The following CNTN5 variants were observed in gnomAD, a reference collection of about 807,000 sequenced individuals.
The protein encoded by CNTN5 is contactin-5.
A neutral mutation model predicts 129.1 loss-of-function variants in CNTN5; 77 were observed. The observed-to-expected ratio is 0.60, with a 90% CI of 0.50 to 0.72. The LOEUF (loss-of-function observed/expected upper bound fraction) is 0.72. CNTN5 is among the 30% of genes least tolerant of loss of function. CNTN5 has a pLI of 0.00. For synonymous variants in CNTN5, 509 were observed against 465.6 expected, an observed-to-expected ratio of 1.09 and a Z score of -1.20; for missense variants, 1,478 against 1,328.8, an observed-to-expected ratio of 1.11 and a Z score of -1.75.
chr11:99,906,040 G>C (rs1039638918), intron 6 of CNTN5, among the ~76,000 whole-genome samples: 5 of 152,162 alleles, frequency 3.3e-5, no homozygotes, highest in African/African-American at 9.7e-5. Flanking sequence ...TTTGGGCTGA[G>C]ACGATAGGGT....
intron 13 of CNTN5, among the ~76,000 whole-genome samples, chr11:100,112,645 G>T (rs577076011): frequency 1.9e-4 from 29 of 151,904 alleles, no homozygotes; most frequent in Non-Finnish European, 3.5e-4. Flanking sequence ...TCATAACTAG[G>T]GTAATAAAAA....
chr11:100,134,766 A>C (rs933875365), intron 13 of CNTN5, among the ~76,000 whole-genome samples: 10 of 152,170 alleles, frequency 6.6e-5, no homozygotes, highest in African/African-American at 2.4e-4. Flanking sequence ...CGGCAGAAAT[A>C]AACATTTTCC....
At chr11:99,972,659 G>C (rs1370653542) in intron 8 of CNTN5, among the ~76,000 whole-genome samples, 3 of 152,118 alleles carry the variant, frequency 2.0e-5, no homozygotes, top group African/African-American at 7.2e-5. Flanking sequence ...TTTCCGAAGA[G>C]AATGAAATCT....
chr11:99,907,742 CT>C (rs1249424403), intron 6 of CNTN5, among the ~76,000 whole-genome samples: 1 of 151,818 alleles, frequency 6.6e-6, no homozygotes, highest in Non-Finnish European at 1.5e-5. Flanking sequence ...ATTTCAGCAA[CT>C]TTTTTCTATG....
At chr11:99,767,160 G>A (rs1381345155) in intron 3 of CNTN5, among the ~76,000 whole-genome samples, 1 of 151,904 alleles carries the variant, frequency 6.6e-6, no homozygotes, top group Admixed American at 6.6e-5. Context: ...TCATGTATCT[G>A]TTTATTTATT....
At chr11:99,070,342 G>C (rs1239744621) in intron 1 of CNTN5, among the ~76,000 whole-genome samples, 1 of 151,974 alleles carries the variant, frequency 6.6e-6, no homozygotes, top group Non-Finnish European at 1.5e-5. Context: ...TTAAAAATTG[G>C]TATCTGTGTT....
intron 13 of CNTN5, among the ~76,000 whole-genome samples, chr11:100,164,317 C>T (rs1947553192): frequency 6.6e-6 from 1 of 151,654 alleles, no homozygotes; most frequent in Non-Finnish European, 1.5e-5. Context: ...ATTTCTTAGT[C>T]CTTTGAATTT....
intron 2 of CNTN5, among the ~76,000 whole-genome samples, chr11:99,528,836 G>A (rs1380772535): frequency 6.6e-6 from 1 of 152,070 alleles, no homozygotes; most frequent in Non-Finnish European, 1.5e-5. Context: ...GGCCAAGGCG[G>A]GTGGATCACC....
In CNTN5 at chr11:100,328,988, C is replaced by A. The variant is rs551174890; in HGVS notation, c.2731-11475C>A. The stretch of plus-strand genomic sequence containing the variant: ...TCCTTGAGATGCTAAAAAACTGAGT[C>A]GGCTTGGTTTTTCAACGAGGAGGCA... On this transcript the variant is annotated intron_variant, in intron 21 of 24. Coordinates refer to ENST00000524871, the MANE Select transcript of CNTN5 (RefSeq NM_014361.4). Among the ~76,000 whole-genome samples the A allele has an allele frequency of 3.9e-5, 6 of 152,220 alleles. No homozygotes were observed. In the East Asian group the frequency reaches 9.7e-4, roughly 25 times the overall value.
chr11:100,158,822 C>T (rs937182884), intron 13 of CNTN5, among the ~76,000 whole-genome samples: 1 of 151,788 alleles, frequency 6.6e-6, no homozygotes, highest in Admixed American at 6.6e-5. Context: ...AGCTTTTCAA[C>T]TTTTATGCAA....
intron 13 of CNTN5, among the ~76,000 whole-genome samples, chr11:100,134,083 T>C (rs186386815): frequency 6.6e-6 from 1 of 152,078 alleles, no homozygotes; most frequent in Non-Finnish European, 1.5e-5. Flanking sequence ...ATAAATGATA[T>C]CTTTAAACTC....
intron 3 of CNTN5, among the ~76,000 whole-genome samples, chr11:99,594,014 T>C (rs1950054324): frequency 6.6e-6 from 1 of 152,184 alleles, no homozygotes; most frequent in African/African-American, 2.4e-5. Flanking sequence ...TCTTTAGAAT[T>C]GGTGCATTTT....
At chr11:99,262,534 G>A (rs985855024) in intron 1 of CNTN5, among the ~76,000 whole-genome samples, 20 of 150,622 alleles carry the variant, frequency 1.3e-4, no homozygotes, top group African/African-American at 4.6e-4. Context: ...CAAAATGTTG[G>A]CATAATTAAC....
intron 23 of CNTN5, among the ~76,000 whole-genome samples, chr11:100,346,833 GAA>G (rs1952291923): frequency 6.6e-6 from 1 of 152,092 alleles, no homozygotes; most frequent in Non-Finnish European, 1.5e-5. Flanking sequence ...ATTTGTAAAA[GAA>G]AGAGTTTTAA....
intron 3 of CNTN5, among the ~76,000 whole-genome samples, chr11:99,732,242 G>A (rs559006488): frequency 1.7e-3 from 250 of 151,230 alleles, no homozygotes; most frequent in Non-Finnish European, 2.6e-3. Context: ...TTGTTTTAAA[G>A]AATTAATGGA....
chr11:99,261,062 A>C (rs1444930169), intron 1 of CNTN5, among the ~76,000 whole-genome samples: 1 of 151,936 alleles, frequency 6.6e-6, no homozygotes, highest in African/African-American at 2.4e-5. Flanking sequence ...ATTTATCTAA[A>C]AATCTACCAT....
chr11:99,527,234 A>G (rs889148915), intron 2 of CNTN5, among the ~76,000 whole-genome samples: 4 of 152,216 alleles, frequency 2.6e-5, no homozygotes, highest in African/African-American at 9.6e-5. Context: ...CTCAAGGATT[A>G]TAATCTATCT....
intron 9 of CNTN5, among the ~76,000 whole-genome samples, chr11:100,010,330 A>C (rs1405723068): frequency 6.6e-6 from 1 of 152,140 alleles, no homozygotes; most frequent in Non-Finnish European, 1.5e-5. Context: ...AGGGGGGAAA[A>C]AAAGAATTAG....
chr11:99,238,272 T>C (rs539583907), intron 1 of CNTN5, among the ~76,000 whole-genome samples: 11 of 152,284 alleles, frequency 7.2e-5, no homozygotes, highest in South Asian at 4.1e-4. Flanking sequence ...ATGCCTATAA[T>C]GGAGTTAATA....
Sources: gnomAD v4.1 joint callset for allele counts (sites outside exome capture counted in the v4.1 genomes callset) on GRCh38, gnomAD v4.1.1 for gene constraint, MANE v1.5 for transcripts, NCBI Gene and HGNC (gene_info 2026-07-23, HGNC 2026-07-21) for gene names.